Variants in PCDHGA3 observed in about 807,000 individuals in gnomAD.
PCDHGA3 encodes protocadherin gamma subfamily A, 3, also known as protocadherin gamma-A3.
In PCDHGA3, 40 loss-of-function variants were observed where a neutral mutation model predicts 58.5. The ratio of observed to expected loss-of-function variants is 0.68; its 90% CI spans 0.53 to 0.89. PCDHGA3 has a LOEUF of 0.89. PCDHGA3 is among the 40% of genes least tolerant of loss of function. The pLI is 0.00. For synonymous variants in PCDHGA3, 530 were observed against 525.7 expected (o/e 1.01, Z -0.11); for missense variants, 1,223 against 1,195.9 (o/e 1.02, Z -0.33).
intron 1 of PCDHGA3, among the ~76,000 whole-genome samples, chr5:141,471,928 G>A (rs1328213264): frequency 6.6e-6 from 1 of 152,152 alleles, no homozygotes; most frequent in African/African-American, 2.4e-5. Context: ...TTTTGGGGGT[G>A]ATGAGAGTTT....
intron 1 of PCDHGA3, chr5:141,478,582 G>T: frequency 1.3e-6 from 2 of 1,579,988 alleles, no homozygotes; most frequent in Non-Finnish European, 1.7e-6. Context: ...CCCTGTTAGT[G>T]CTTTTTTATT....
Position 141,350,657 on chromosome 5 carries a change from A to G in PCDHGA3, c.2424+4200A>G, listed in dbSNP as rs1758532359. Reference sequence around the variant, plus strand: ...TGACAATGCACCACGTTTCGTTGCAAAAGGCATTGACTTAGAAATTTGTGA... The same window carrying G: ...TGACAATGCACCACGTTTCGTTGCAGAAGGCATTGACTTAGAAATTTGTGA... On this transcript the variant is annotated intron_variant, in intron 1 of 3. Transcript: ENST00000253812. 1 of 1,613,928 alleles carries G rather than the reference A, an allele frequency of 6.2e-7. No homozygotes were observed. The highest frequency in any genetic ancestry group is 1.7e-5 in the Admixed American group (1 of 60,012).
rs1485669709 is a variant in PCDHGA3 at position 141,432,989 on chromosome 5, G to A, written c.2425-61818G>A. On this transcript the variant is annotated intron_variant, in intron 1 of 3. Coordinates refer to ENST00000253812, the MANE Select transcript of PCDHGA3 (RefSeq NM_018916.4). The surrounding 1 kb of genome is among the most constrained non-coding windows in gnomAD (Gnocchi z 6.0). ...GCCGGCGTCGCACTTTGTGGGCGTG[G>A]ACGGGGTGCAGGCTTTCCTGCAGAC... The A allele has an allele frequency of 1.9e-6, 3 of 1,614,210 alleles. No individual in the cohort carries two copies. The highest frequency in any genetic ancestry group is 1.3e-5 in the African/African-American group (1 of 75,066).
chr5:141,460,414 T>G (rs1289935272), intron 1 of PCDHGA3, among the ~76,000 whole-genome samples: 1 of 152,216 alleles, frequency 6.6e-6, no homozygotes, highest in Non-Finnish European at 1.5e-5. Context: ...GAGTTGATGT[T>G]TATGTATGGT....
chr5:141,398,936 A>G (rs1377976758), intron 1 of PCDHGA3: 2 of 1,613,962 alleles, frequency 1.2e-6, no homozygotes, highest in South Asian at 2.2e-5. Context: ...ACTGACCAAG[A>G]CGAGGGCATC....
chr5:141,363,785 C>G (rs1268075171), intron 1 of PCDHGA3, among the ~76,000 whole-genome samples: 1 of 152,020 alleles, frequency 6.6e-6, no homozygotes, highest in Non-Finnish European at 1.5e-5. Context: ...CTAAATTTAT[C>G]CTAATAAGGA....
chr5:141,415,961 C>T, intron 1 of PCDHGA3: 1 of 438,836 alleles, frequency 2.3e-6, no homozygotes, highest in Non-Finnish European at 3.6e-6. Context: ...TATTGAAACT[C>T]CAGCCCCTTA....
chr5:141,466,822 G>A (rs1396286898), intron 1 of PCDHGA3, among the ~76,000 whole-genome samples: 4 of 152,046 alleles, frequency 2.6e-5, no homozygotes. Flanking sequence ...GGTATAACAA[G>A]TTAGTATGGG....
At chr5:141,387,213 G>C (rs1279285840) in intron 1 of PCDHGA3, among the ~76,000 whole-genome samples, 4 of 152,128 alleles carry the variant, frequency 2.6e-5, no homozygotes, top group Admixed American at 1.3e-4. Flanking sequence ...ATACTCTCCG[G>C]AAAAAGTTGA....
chr5:141,394,048 G>A (rs1285768639), intron 1 of PCDHGA3: 5 of 1,613,504 alleles, frequency 3.1e-6, no homozygotes, highest in South Asian at 1.1e-5. Context: ...TATTTGGACC[G>A]AGAAAATGTC....
intron 1 of PCDHGA3, chr5:141,366,320 G>A: frequency 4.3e-6 from 7 of 1,613,788 alleles, no homozygotes; most frequent in East Asian, 2.2e-5. Flanking sequence ...CACCGTTGCC[G>A]TGGCCGACAG....
chr5:141,434,429 C>T (rs1379210960), intron 1 of PCDHGA3, among the ~76,000 whole-genome samples: 2 of 152,152 alleles, frequency 1.3e-5, no homozygotes, highest in Admixed American at 6.5e-5. Flanking sequence ...TCATGATGGC[C>T]GTAATGCCCA....
chr5:141,423,678 G>A (rs1161093615), intron 1 of PCDHGA3: 3 of 1,496,158 alleles, frequency 2.0e-6, no homozygotes, highest in Non-Finnish European at 2.7e-6. Flanking sequence ...TTATTTCTCT[G>A]CCTCCTAATT....
At chr5:141,473,810 G>A (rs549204595) in intron 1 of PCDHGA3, among the ~76,000 whole-genome samples, 1 of 152,334 alleles carries the variant, frequency 6.6e-6, no homozygotes, top group South Asian at 2.1e-4. Flanking sequence ...CTGAGGAGCA[G>A]CTGGACAATT....
chr5:141,365,603 A>G (rs1198770505), intron 1 of PCDHGA3: 5 of 1,613,602 alleles, frequency 3.1e-6, no homozygotes, highest in Non-Finnish European at 3.4e-6. Context: ...TTTAACCGTC[A>G]TGGACCATGG....
chr5:141,437,408 G>A (rs1591455458), intron 1 of PCDHGA3, among the ~76,000 whole-genome samples: 1 of 152,200 alleles, frequency 6.6e-6, no homozygotes, highest in Non-Finnish European at 1.5e-5. Flanking sequence ...CATTCCAGAA[G>A]TATTATGCTT....
intron 1 of PCDHGA3, chr5:141,430,896 G>A: frequency 6.2e-7 from 1 of 1,606,012 alleles, no homozygotes; most frequent in Admixed American, 1.7e-5. Context: ...TCTAGGGTGG[G>A]CGACATCTCC....
chr5:141,477,220 G>A lies in PCDHGA3; in HGVS notation c.2425-17587G>A. 24 of 1,614,190 alleles carry A rather than the reference G, an allele frequency of 1.5e-5. No individual in the cohort carries two copies. The highest frequency in any genetic ancestry group is 1.9e-5 in the Non-Finnish European group (23 of 1,180,040). ...CAGTACCCGAGGATGCCCCTCTGGG[G>A]ACTGTCATCGCTTTGCTCAGTGTGA... is the stretch of plus-strand genomic sequence containing the variant. On this transcript the variant is annotated intron_variant, in intron 1 of 3. Coordinates refer to ENST00000253812, the MANE Select transcript of PCDHGA3 (RefSeq NM_018916.4). The surrounding 1 kb of genome is among the most constrained non-coding windows in gnomAD (Gnocchi z 4.9).
At chr5:141,418,484 C>T (rs771278923) in intron 1 of PCDHGA3, 1 of 1,613,878 alleles carries the variant, frequency 6.2e-7, no homozygotes, top group East Asian at 2.2e-5. Flanking sequence ...GAGCGCTCAC[C>T]ACTTGGTACT....
Sources: allele counts gnomAD v4.1 joint callset (sites outside exome capture counted in the v4.1 genomes callset), GRCh38; gene constraint gnomAD v4.1.1; non-coding constraint Gnocchi (gnomAD v3.1); transcripts MANE v1.5; gene names NCBI Gene and HGNC (gene_info 2026-07-23, HGNC 2026-07-21).